Variants in STK31 observed in about 807,000 individuals in gnomAD.
The protein encoded by STK31 is serine/threonine kinase 31.
Under a neutral mutation model 129.7 loss-of-function variants are expected in STK31, and 89 were observed. That is an observed-to-expected ratio of 0.69 (90% confidence interval 0.58 to 0.82). The LOEUF (loss-of-function observed/expected upper bound fraction) is 0.82. STK31 is among the 40% of genes least tolerant of loss of function. The probability of loss-of-function intolerance (pLI) is 0.00; values close to 1 mark genes in which losing one functional copy is unlikely to be tolerated. For synonymous variants in STK31, 448 were observed against 395.3 expected (o/e 1.13, Z -1.58); for missense variants, 1,187 against 1,176.4 (o/e 1.01, Z -0.13).
intron 15 of STK31, among the ~76,000 whole-genome samples, chr7:23,773,722 TGTGTGTGTGTGA>T (rs1244188247): frequency 9.8e-6 from 1 of 101,688 alleles, no homozygotes; most frequent in Non-Finnish European, 2.0e-5. Flanking sequence ...CTGACTTGTG[TGTGTGTGTGTGA>T]GTGTGTGTGT....
rs2128135562 is a variant in STK31 at position 23,832,438 on chromosome 7, A to G, written c.*72A>G. 1.8e-6 allele frequency: 2 copies of G among 1,101,056 alleles called. No individual in the cohort carries two copies. Among genetic ancestry groups the G allele is most frequent in the East Asian group, 4.7e-5 (2 of 42,512 alleles). The allele number at this position is 1,101,056 out of a possible 1,614,324, so 68.2% of individuals were successfully genotyped here. A position where few individuals can be genotyped will look rare whatever the true frequency, so the allele number is the denominator to read the frequency against. Reference sequence around the variant, plus strand: ...TGGTTAATACACAGAAATATCTAGAAATGTTCTGGGACTAGTTGAGTTGTA... The same window carrying G: ...TGGTTAATACACAGAAATATCTAGAGATGTTCTGGGACTAGTTGAGTTGTA... On this transcript the variant is annotated 3_prime_UTR_variant, in exon 24 of 24. Transcript: ENST00000355870.
chr7:23,793,306 A>G (rs1260413803), intron 22 of STK31, among the ~76,000 whole-genome samples: 1 of 152,242 alleles, frequency 6.6e-6, no homozygotes, highest in Non-Finnish European at 1.5e-5. Context: ...AGAAGAAAAC[A>G]TAGGATGAAA....
In STK31 at chr7:23,783,580, T is replaced by A; in HGVS notation, c.2068-3T>A. The stretch of plus-strand genomic sequence containing the variant: ...GTTAAAAACTTTTTTTTTTTAACTT[T>A]AGGAGATGCTAACTAGTTTGGCACA... On this transcript the variant is annotated splice_polypyrimidine_tract_variant and splice_region_variant and intron_variant, in intron 16 of 23. Coordinates refer to ENST00000355870, the MANE Select transcript of STK31 (RefSeq NM_031414.5). 2 of 1,603,250 alleles carry A rather than the reference T, an allele frequency of 1.2e-6. No homozygotes were observed. Among genetic ancestry groups the A allele is most frequent in the Non-Finnish European group, 8.5e-7 (1 of 1,177,812 alleles).
chr7:23,819,462 C>G (rs914082515), intron 23 of STK31, among the ~76,000 whole-genome samples: 1 of 150,146 alleles, frequency 6.7e-6, no homozygotes, highest in African/African-American at 2.5e-5. Flanking sequence ...GTTGCCAAGG[C>G]TGAAGTGCAG....
intron 3 of STK31, among the ~76,000 whole-genome samples, chr7:23,714,930 C>G (rs951978929): frequency 1.3e-5 from 2 of 152,168 alleles, no homozygotes; most frequent in African/African-American, 4.8e-5. Flanking sequence ...ATGCAGTAAA[C>G]TTTATTTACT....
chr7:23,812,798 T>A (rs757057306), intron 22 of STK31, among the ~76,000 whole-genome samples: 5 of 152,186 alleles, frequency 3.3e-5, no homozygotes, highest in Non-Finnish European at 7.4e-5. Flanking sequence ...TTGTTTCACT[T>A]AAGATAATGG....
intron 8 of STK31, among the ~76,000 whole-genome samples, chr7:23,750,067 T>TCTCCCC (rs1788612132): frequency 3.3e-5 from 3 of 90,544 alleles, no homozygotes; most frequent in Non-Finnish European, 2.3e-5. Context: ...ATGGTTTGTT[T>TCTCCCC]CCCCCCCCGC....
chr7:23,799,551 A>T (rs1485313497), intron 22 of STK31, among the ~76,000 whole-genome samples: 1 of 152,078 alleles, frequency 6.6e-6, no homozygotes, highest in Non-Finnish European at 1.5e-5. Flanking sequence ...TATGCAGAAA[A>T]CTGAAACTGG....
rs541610642 is a variant in STK31 at position 23,738,513 on chromosome 7, G to T, written c.1017+1435G>T. Among the ~76,000 whole-genome samples the T allele has an allele frequency of 2.3e-4, 35 of 152,132 alleles. No homozygotes were observed. The South Asian group carries it at 7.3e-3, about 32-fold the overall frequency. ...AGCAATCCACTCACTTCAGTCTCCT[G>T]CCTAGCTCGGACTATAGGTATGTGC... On this transcript the variant is annotated intron_variant, in intron 8 of 23. Coordinates refer to ENST00000355870, the MANE Select transcript of STK31 (RefSeq NM_031414.5).
At chr7:23,740,902 G>A (rs935854934) in intron 8 of STK31, among the ~76,000 whole-genome samples, 1 of 152,126 alleles carries the variant, frequency 6.6e-6, no homozygotes, top group Non-Finnish European at 1.5e-5. Context: ...AGCCTAGTTT[G>A]TTCAGTAAAG....
At chr7:23,735,386 G>C in intron 6 of STK31, 152 bp from the exon 7 acceptor site, 1 of 625,182 alleles carries the variant, frequency 1.6e-6, no homozygotes, top group Non-Finnish European at 2.7e-6. Context: ...ATTCATATAC[G>C]TGGAGATGCA....
chr7:23,822,095 G>A (rs1328965509), intron 23 of STK31, among the ~76,000 whole-genome samples: 2 of 151,994 alleles, frequency 1.3e-5, no homozygotes, highest in Admixed American at 6.6e-5. Context: ...TGTTCTTTTT[G>A]CTGATAACTG....
Position 23,721,252 on chromosome 7 carries a change from C to T in STK31, c.249+3673C>T, listed in dbSNP as rs1232534536. On this transcript the variant is annotated intron_variant, in intron 4 of 23. Coordinates refer to ENST00000355870, the MANE Select transcript of STK31 (RefSeq NM_031414.5). ...TCTCTCTCTTAACTCCTAACAAACGCTACATTTTCAAGACTAAGGGAATTA... is the reference window on the plus strand; with the variant it reads ...TCTCTCTCTTAACTCCTAACAAACGTTACATTTTCAAGACTAAGGGAATTA... The T allele has an allele frequency of 1.2e-5, 6 of 495,356 alleles. No homozygotes were observed. In the East Asian group the frequency reaches 1.9e-4, roughly 16 times the overall value. 30.7% of individuals were successfully genotyped at this position (495,356 alleles called of 1,614,324 possible). A position where few individuals can be genotyped will look rare whatever the true frequency, so the allele number is the denominator to read the frequency against.
intron 22 of STK31, among the ~76,000 whole-genome samples, chr7:23,802,856 A>C (rs1268043012): frequency 6.6e-6 from 1 of 152,224 alleles, no homozygotes; most frequent in Non-Finnish European, 1.5e-5. Flanking sequence ...CTGTGTGCAC[A>C]AAAGCCCTGC....
In STK31 at chr7:23,769,601, T is replaced by A. The variant is rs115512555; in HGVS notation, c.1597-39T>A. 3,033 of 1,350,386 alleles carry A rather than the reference T, an allele frequency of 2.2e-3. 58 individuals are homozygous for A. The African/African-American group carries it at 0.038, about 17-fold the overall frequency. 83.7% of individuals were successfully genotyped at this position (1,350,386 alleles called of 1,614,324 possible). A position where few individuals can be genotyped will look rare whatever the true frequency, so the allele number is the denominator to read the frequency against. On this transcript the variant is annotated intron_variant, in intron 12 of 23. Transcript: ENST00000355870. ...TAAGGCACGATGAATGCTGATTGAA[T>A]TAAATGAGATATTTCATGTGTTTAT...
chr7:23,714,355 ATTATAT>A (rs1280444660), intron 3 of STK31, among the ~76,000 whole-genome samples: 2 of 152,138 alleles, frequency 1.3e-5, no homozygotes, highest in African/African-American at 4.8e-5. Flanking sequence ...TGGATGATAA[ATTATAT>A]TTAAGCTTAT....
chr7:23,808,840 G>C (rs918122190), intron 22 of STK31, among the ~76,000 whole-genome samples: 72 of 152,072 alleles, frequency 4.7e-4, no homozygotes, highest in Non-Finnish European at 7.8e-4. Flanking sequence ...TTCGTTTGGT[G>C]TGTGACTGGA....
At chr7:23,786,952 T>A in intron 20 of STK31, 28 bp downstream of exon 20, 1 of 1,589,060 alleles carries the variant, frequency 6.3e-7, no homozygotes, top group South Asian at 1.1e-5. Flanking sequence ...TTTATTTCCA[T>A]GGATGTATTA....
Position 23,736,937 on chromosome 7 carries a change from G to C in STK31, c.876G>C (p.Gly292=). The change falls in exon 8 of 24, where the codon GGG becomes GGC. Residue 292 remains glycine (G), a synonymous_variant. Transcript: ENST00000355870. ...ESLAVGDFNL[G]SNVSLEKIKQ... Reference sequence around the variant, plus strand: ...TGGCTGTTGGTGACTTTAATTTAGGGTCTAACGTCAGCCTGGAAAAAATTA... The same window carrying C: ...TGGCTGTTGGTGACTTTAATTTAGGCTCTAACGTCAGCCTGGAAAAAATTA... 1 of 1,611,454 alleles carries C rather than the reference G, an allele frequency of 6.2e-7. No individual in the cohort carries two copies. Among genetic ancestry groups the C allele is most frequent in the Non-Finnish European group, 8.5e-7 (1 of 1,179,120 alleles).
Sources: allele counts gnomAD v4.1 joint callset (sites outside exome capture counted in the v4.1 genomes callset), GRCh38; gene constraint gnomAD v4.1.1; transcripts MANE v1.5; gene names NCBI Gene and HGNC (gene_info 2026-07-23, HGNC 2026-07-21).